CSMD3: variants seen among roughly 807,000 people sequenced by gnomAD.
CSMD3 encodes the protein CUB and Sushi multiple domains 3, also known as CUB and sushi domain-containing protein 3.
CSMD3 carries 177 observed loss-of-function variants against 435.2 expected under a neutral mutation model. The ratio of observed to expected loss-of-function variants is 0.41; its 90% CI spans 0.36 to 0.46. CSMD3 has a LOEUF of 0.46. CSMD3 is among the 20% of genes least tolerant of loss of function. CSMD3 has a pLI of 0.34. For synonymous variants in CSMD3, 1,656 were observed against 1,520.5 expected, an observed-to-expected ratio of 1.09 and a Z score of -2.07; for missense variants, 4,265 against 4,504.6, an observed-to-expected ratio of 0.95 and a Z score of 1.52.
intron 16 of CSMD3, among the ~76,000 whole-genome samples, chr8:112,674,674 A>C (rs2075733413): frequency 6.6e-6 from 1 of 152,148 alleles, no homozygotes; most frequent in Non-Finnish European, 1.5e-5. Flanking sequence ...CCAACCTGCC[A>C]GCTTTTCACC....
intron 6 of CSMD3, among the ~76,000 whole-genome samples, chr8:112,989,131 T>C (rs1262130753): frequency 1.3e-5 from 2 of 151,930 alleles, no homozygotes; most frequent in African/African-American, 4.8e-5. Flanking sequence ...TACATTCAAA[T>C]GGGAGACAAA....
chr8:113,298,742 T>C (rs1361088936), intron 2 of CSMD3, among the ~76,000 whole-genome samples: 1 of 152,002 alleles, frequency 6.6e-6, no homozygotes, highest in East Asian at 1.9e-4. Flanking sequence ...CCGAAGGACA[T>C]AGCAGAGATG....
intron 19 of CSMD3, among the ~76,000 whole-genome samples, chr8:112,647,205 T>A (rs2075003323): frequency 6.6e-6 from 1 of 152,188 alleles, no homozygotes; most frequent in African/African-American, 2.4e-5. Context: ...TGTTTGATTT[T>A]GTAGCACTTC....
chr8:113,169,534 CTT>C (rs550644492), intron 4 of CSMD3, among the ~76,000 whole-genome samples: 253 of 152,224 alleles, frequency 1.7e-3, no homozygotes, highest in South Asian at 2.1e-3. Context: ...ATATACCACT[CTT>C]TTAAAATTTT....
chr8:112,929,516 T>G (rs1375167099), intron 9 of CSMD3, among the ~76,000 whole-genome samples: 1 of 152,126 alleles, frequency 6.6e-6, no homozygotes, highest in Non-Finnish European at 1.5e-5. Flanking sequence ...CACTATATGA[T>G]GTTTTTATTC....
chr8:112,583,672 T>C (rs1830499824), intron 23 of CSMD3, among the ~76,000 whole-genome samples: 1 of 151,828 alleles, frequency 6.6e-6, no homozygotes, highest in Non-Finnish European at 1.5e-5. Flanking sequence ...AAAGTGTGAG[T>C]TTCCTATACA....
chr8:112,556,224 G>C (rs540991608), intron 25 of CSMD3, among the ~76,000 whole-genome samples: 1 of 151,346 alleles, frequency 6.6e-6, no homozygotes, highest in African/African-American at 2.4e-5. Flanking sequence ...GAATAAAATG[G>C]TACCCCAGCT....
intron 7 of CSMD3, among the ~76,000 whole-genome samples, chr8:112,973,092 A>G (rs1273976509): frequency 6.6e-6 from 1 of 151,976 alleles, no homozygotes; most frequent in Non-Finnish European, 1.5e-5. Context: ...GAATTTGGAA[A>G]TATGGAAAAA....
intron 6 of CSMD3, among the ~76,000 whole-genome samples, chr8:112,981,970 A>C (rs1482297950): frequency 6.6e-6 from 1 of 151,836 alleles, no homozygotes; most frequent in Non-Finnish European, 1.5e-5. Flanking sequence ...CTCATTTCTT[A>C]GTACAAAAAA....
rs17629268 is a variant in CSMD3 at position 112,223,513 on chromosome 8, A to G, written c.*1258T>C. On this transcript the variant is annotated 3_prime_UTR_variant, in exon 71 of 71. Transcript: ENST00000297405. ...GGCATTACTGTATGATACAGTTTAA[A>G]TGAGCCACCAATAACTTACAAATAC... 5,033 of 155,962 alleles carry G rather than the reference A, an allele frequency of 0.032. 118 individuals are homozygous for G. The highest frequency in any genetic ancestry group is 0.046 in the Non-Finnish European group (3,251 of 70,368). 9.7% of individuals were successfully genotyped at this position (155,962 alleles called of 1,614,324 possible). A position where few individuals can be genotyped will look rare whatever the true frequency, so the allele number is the denominator to read the frequency against.
intron 31 of CSMD3, among the ~76,000 whole-genome samples, chr8:112,485,984 G>A (rs1021748220): frequency 1.4e-5 from 2 of 144,338 alleles, no homozygotes; most frequent in Non-Finnish European, 3.0e-5. Flanking sequence ...ATCAGCATAT[G>A]TGAAACAAAG....
At chr8:113,085,949 G>C (rs750312390) in intron 5 of CSMD3, among the ~76,000 whole-genome samples, 8 of 152,062 alleles carry the variant, frequency 5.3e-5, no homozygotes, top group Non-Finnish European at 7.4e-5. Flanking sequence ...AATAAAAAGA[G>C]CCAACCGGCT....
At chr8:113,243,258 C>A (rs77642684) in intron 3 of CSMD3, among the ~76,000 whole-genome samples, 2,781 of 152,036 alleles carry the variant, frequency 0.018, 84 homozygotes, top group African/African-American at 0.063. Flanking sequence ...ATGTACTAAA[C>A]TTTGCCCTTT....
At chr8:113,347,999 T>C (rs2094163509) in intron 1 of CSMD3, among the ~76,000 whole-genome samples, 1 of 152,108 alleles carries the variant, frequency 6.6e-6, no homozygotes, top group Non-Finnish European at 1.5e-5. Context: ...GGACATTGCA[T>C]GGCTAAGAGT....
At chr8:112,438,043 C>G (rs140141132) in intron 32 of CSMD3, among the ~76,000 whole-genome samples, 6 of 152,276 alleles carry the variant, frequency 3.9e-5, no homozygotes, top group African/African-American at 1.4e-4. Flanking sequence ...TCACAATTCT[C>G]CATCATATCT....
At chr8:112,772,592 G>C (rs2078147676) in intron 13 of CSMD3, among the ~76,000 whole-genome samples, 1 of 152,012 alleles carries the variant, frequency 6.6e-6, no homozygotes, top group South Asian at 2.1e-4. Context: ...CCCTACACCT[G>C]TAAAGGGTCT....
chr8:113,413,049 T>C (rs924127947), intron 1 of CSMD3, among the ~76,000 whole-genome samples: 2 of 152,162 alleles, frequency 1.3e-5, no homozygotes, highest in Non-Finnish European at 1.5e-5. Flanking sequence ...ATCTTGCAAC[T>C]ATATTTATTC....
chr8:113,016,731 T>C (rs1253226244), intron 6 of CSMD3, among the ~76,000 whole-genome samples: 1 of 151,900 alleles, frequency 6.6e-6, no homozygotes, highest in Non-Finnish European at 1.5e-5. Flanking sequence ...TTAGTTTTAA[T>C]GTAGACACCA....
At chr8:112,305,111 C>T (rs1379278938) in intron 51 of CSMD3, among the ~76,000 whole-genome samples, 196 bp from the exon 52 acceptor site, 3 of 152,142 alleles carry the variant, frequency 2.0e-5, no homozygotes, top group Non-Finnish European at 4.4e-5. Flanking sequence ...GTCTGGAACA[C>T]ACTCAATGGT....
Sources: allele counts gnomAD v4.1 joint callset (sites outside exome capture counted in the v4.1 genomes callset), GRCh38; gene constraint gnomAD v4.1.1; transcripts MANE v1.5; gene names NCBI Gene and HGNC (gene_info 2026-07-23, HGNC 2026-07-21).